CSNK1G2: variants seen among roughly 807,000 people sequenced by gnomAD.
CSNK1G2 encodes the protein casein kinase I isoform gamma-2.
A neutral mutation model predicts 48.0 loss-of-function variants in CSNK1G2; 11 were observed. The ratio of observed to expected loss-of-function variants is 0.23; its 90% CI spans 0.14 to 0.38. The LOEUF is 0.38. Among genes scored for constraint, CSNK1G2 ranks in the 10% least tolerant of loss-of-function variants. CSNK1G2 has a pLI of 1.00. For synonymous variants in CSNK1G2, 337 were observed against 254.1 expected (o/e 1.33, Z -3.10); for missense variants, 446 against 595.5 (o/e 0.75, Z 2.61).
intron 1 of CSNK1G2, chr19:1,954,832 A>T (rs893354615): frequency 5.9e-5 from 9 of 152,246 alleles, no homozygotes; most frequent in Non-Finnish European, 1.0e-4. Context: ...TTGGCGTGTG[A>T]CCCGGAGCCG....
intron 8 of CSNK1G2, 25 bp downstream of exon 8, chr19:1,979,428 C>CG: frequency 1.3e-6 from 2 of 1,529,876 alleles, no homozygotes; most frequent in South Asian, 1.2e-5. Flanking sequence ...CGCCCCCGCC[C>CG]TGTGCCCCCC....
chr19:1,953,159 A>T, intron 1 of CSNK1G2: 1 of 367,632 alleles, frequency 2.7e-6, no homozygotes, highest in Non-Finnish European at 5.3e-6. Context: ...CGCCCCCGGG[A>T]CCTGCCGTGG....
At chr19:1,976,177 CGAG>C in intron 2 of CSNK1G2, 1 of 1,103,574 alleles carries the variant, frequency 9.1e-7, no homozygotes. Context: ...TGTTGTTTTA[CGAG>C]GAGAATTTCC....
Position 1,978,848 on chromosome 19 carries a change from C to T in CSNK1G2, c.448-11C>T. ...GAGGGGCCCGGCCGACACCGCCGTG[C>T]CCCCCTGCAGATCACGCGCATGGAG... On this transcript the variant is annotated splice_polypyrimidine_tract_variant and intron_variant, in intron 5 of 11. Transcript: ENST00000255641. This position sits in a 1 kb window ranked among gnomAD's most constrained non-coding sequence, Gnocchi z 7.3. 1.3e-6 allele frequency: 2 copies of T among 1,596,726 alleles called. No individual in the cohort carries two copies. The highest frequency in any genetic ancestry group is 1.7e-6 in the Non-Finnish European group (2 of 1,174,964).
intron 1 of CSNK1G2, chr19:1,953,408 G>A (rs376288626): frequency 7.1e-5 from 38 of 534,496 alleles, no homozygotes; most frequent in African/African-American, 6.5e-4. Context: ...CTGGAAGGCC[G>A]TCTTTGTGAT....
In CSNK1G2 at chr19:1,972,992, A is replaced by C. The variant is rs185007792; in HGVS notation, c.187+3033A>C. Among the ~76,000 whole-genome samples, 334 of 148,648 alleles carry C rather than the reference A, an allele frequency of 2.2e-3. 1 individual carries two copies. The highest frequency in any genetic ancestry group is 7.8e-3 in the African/African-American group (310 of 39,902). On this transcript the variant is annotated intron_variant, in intron 2 of 11. Coordinates refer to ENST00000255641, the MANE Select transcript of CSNK1G2 (RefSeq NM_001319.7). The stretch of plus-strand genomic sequence containing the variant: ...ACCCAGGCTGGAGTGCAGTGGCGTA[A>C]CCTCAGCTCACTGCAAGCTCTGCCT...
intron 2 of CSNK1G2, among the ~76,000 whole-genome samples, chr19:1,970,746 C>G (rs2015539849): frequency 6.6e-6 from 1 of 152,204 alleles, no homozygotes; most frequent in South Asian, 2.1e-4. Flanking sequence ...GCGTCTGTTG[C>G]TGGGGTTGTC....
chr19:1,961,789 C>T lies in CSNK1G2; in HGVS notation c.-265-7719C>T, dbSNP rs75872539. Reference sequence around the variant, plus strand: ...GTTTAGAGAAACTAGGTTAGCCATGCGTGGGTGTTTCTGGATGTTTGGGCA... The same window carrying T: ...GTTTAGAGAAACTAGGTTAGCCATGTGTGGGTGTTTCTGGATGTTTGGGCA... On this transcript the variant is annotated intron_variant, in intron 1 of 11. Coordinates refer to ENST00000255641, the MANE Select transcript of CSNK1G2 (RefSeq NM_001319.7). Among the ~76,000 whole-genome samples, 565 of 152,314 alleles carry T rather than the reference C, an allele frequency of 3.7e-3. 2 individuals are homozygous for T. The highest frequency in any genetic ancestry group is 5.9e-3 in the Non-Finnish European group (402 of 68,018).
rs1048624812 is a variant in CSNK1G2, at chr19:1,951,646, A to G, written c.-266+10228A>G. Among the ~76,000 whole-genome samples the G allele has an allele frequency of 3.7e-4, 52 of 141,334 alleles. 9 individuals carry two copies. The highest frequency in any genetic ancestry group is 1.4e-3 in the African/African-American group (50 of 36,644). 92.7% of individuals were successfully genotyped at this position (141,334 alleles called of 152,430 possible). A position where few individuals can be genotyped will look rare whatever the true frequency, so the allele number is the denominator to read the frequency against. The stretch of plus-strand genomic sequence containing the variant: ...AGGATGTGCAGGCTGGGCGGGAGGA[A>G]GCGGTGAGAGTCCACCCCTCCCCAC... On this transcript the variant is annotated intron_variant, in intron 1 of 11. Coordinates refer to ENST00000255641, the MANE Select transcript of CSNK1G2 (RefSeq NM_001319.7).
intron 1 of CSNK1G2, among the ~76,000 whole-genome samples, chr19:1,955,486 C>T (rs141181791): frequency 1.4e-3 from 209 of 145,956 alleles, no homozygotes; most frequent in Middle Eastern, 3.4e-3. Flanking sequence ...CAGGCTGAGG[C>T]GAGGCTCCGC....
chr19:1,978,362 A>G lies in CSNK1G2; in HGVS notation c.228+17A>G. 1.2e-6 allele frequency: 2 copies of G among 1,609,172 alleles called. No individual in the cohort carries two copies. The highest frequency in any genetic ancestry group is 1.7e-6 in the Non-Finnish European group (2 of 1,176,808). On this transcript the variant is annotated intron_variant, in intron 3 of 11. Transcript: ENST00000255641. The surrounding 1 kb of genome is among the most constrained non-coding windows in gnomAD (Gnocchi z 7.3). ...ATCAAATTGGTGAGTCGGCCCCTCC[A>G]CCCCACCCCCGCTGACGTGCCCCCC... is the stretch of plus-strand genomic sequence containing the variant.
chr19:1,944,168 G>C (rs1753245772), intron 1 of CSNK1G2, among the ~76,000 whole-genome samples: 1 of 152,176 alleles, frequency 6.6e-6, no homozygotes, highest in Non-Finnish European at 1.5e-5. Flanking sequence ...GTTGGGTCGA[G>C]CTCTGGTGTC....
At chr19:1,976,104 C>G in intron 2 of CSNK1G2, 1 of 1,289,548 alleles carries the variant, frequency 7.8e-7, no homozygotes, top group Non-Finnish European at 1.0e-6. Flanking sequence ...TGAGGATGGA[C>G]CGTGTGGCAG....
At position 1,969,664 on chromosome 19, in the gene CSNK1G2, G is replaced by A. The variant is rs1474947686; in HGVS notation, c.-109G>A. 2.1e-5 allele frequency: 21 copies of A among 1,018,956 alleles called. No individual in the cohort carries two copies. The highest frequency in any genetic ancestry group is 4.3e-5 in the Admixed American group (1 of 23,412). 63.1% of individuals were successfully genotyped at this position (1,018,956 alleles called of 1,614,324 possible). A position where few individuals can be genotyped will look rare whatever the true frequency, so the allele number is the denominator to read the frequency against. ...AGCCACGGGCCCACGCCCGCCCACC[G>A]GCCGCAGTGATGTTCTAGCCACAGA... On this transcript the variant is annotated 5_prime_UTR_variant, in exon 2 of 12. Coordinates refer to ENST00000255641, the MANE Select transcript of CSNK1G2 (RefSeq NM_001319.7).
At chr19:1,949,786 G>C (rs925883736) in intron 1 of CSNK1G2, among the ~76,000 whole-genome samples, 6 of 152,236 alleles carry the variant, frequency 3.9e-5, no homozygotes, top group Admixed American at 1.3e-4. Flanking sequence ...CGGTGACTTG[G>C]TTTCTCCTGT....
chr19:1,958,405 A>C (rs1343682751), intron 1 of CSNK1G2, among the ~76,000 whole-genome samples: 1 of 151,758 alleles, frequency 6.6e-6, no homozygotes, highest in Non-Finnish European at 1.5e-5. Flanking sequence ...GGCTCCTGCT[A>C]GGTGTCTAGA....
At chr19:1,977,049 C>G (rs185093806) in intron 2 of CSNK1G2, among the ~76,000 whole-genome samples, 355 of 152,290 alleles carry the variant, frequency 2.3e-3, no homozygotes, top group Non-Finnish European at 3.6e-3. Flanking sequence ...ACAGAGGCCT[C>G]ATTCTGCAGC....
At chr19:1,975,611 A>C (rs1384720895) in intron 2 of CSNK1G2, 8 of 985,290 alleles carry the variant, frequency 8.1e-6, no homozygotes, top group Non-Finnish European at 9.6e-6. Context: ...GGATGAATCC[A>C]CTGTGAATCC....
At chr19:1,953,124 G>T in intron 1 of CSNK1G2, 10 of 386,126 alleles carry the variant, frequency 2.6e-5, no homozygotes, top group South Asian at 1.9e-4. Context: ...GCAGGATTCC[G>T]ATGGGAGCCA....
Sources: gnomAD v4.1 joint callset for allele counts (sites outside exome capture counted in the v4.1 genomes callset) on GRCh38, gnomAD v4.1.1 for gene constraint, Gnocchi (gnomAD v3.1) non-coding constraint, MANE v1.5 for transcripts, NCBI Gene and HGNC (gene_info 2026-07-23, HGNC 2026-07-21) for gene names.